NFYC: variants seen among roughly 807,000 people sequenced by gnomAD.
NFYC encodes nuclear transcription factor Y subunit gamma.
A neutral mutation model predicts 53.1 loss-of-function variants in NFYC; 25 were observed. The observed-to-expected ratio is 0.47, with a 90% confidence interval of 0.34 to 0.66. NFYC has a LOEUF of 0.66. Among genes scored for constraint, NFYC ranks in the 30% least tolerant of loss-of-function variants. The pLI is 0.01. For synonymous variants in NFYC, 145 were observed against 152.6 expected, an observed-to-expected ratio of 0.95 and a Z score of 0.37; for missense variants, 260 against 422.7, an observed-to-expected ratio of 0.62 and a Z score of 3.38.
intron 1 of NFYC, among the ~76,000 whole-genome samples, chr1:40,737,800 C>T (rs1475047133): frequency 2.0e-5 from 3 of 151,974 alleles, no homozygotes; most frequent in Non-Finnish European, 4.4e-5. Flanking sequence ...TCCTTTGAGA[C>T]AGATTTGTCT....
intron 1 of NFYC, among the ~76,000 whole-genome samples, chr1:40,721,427 G>T (rs1452775489): frequency 6.6e-6 from 1 of 152,166 alleles, no homozygotes; most frequent in South Asian, 2.1e-4. Flanking sequence ...GCCAGGTTGA[G>T]TGGGGAGCTG....
chr1:40,748,105 G>A (rs1645714786), intron 3 of NFYC, among the ~76,000 whole-genome samples: 1 of 151,880 alleles, frequency 6.6e-6, no homozygotes, highest in African/African-American at 2.4e-5. Context: ...CAAAGTGCTG[G>A]GATTACAGGT....
intron 5 of NFYC, among the ~76,000 whole-genome samples, chr1:40,753,774 A>G (rs1252595224): frequency 2.6e-5 from 4 of 152,186 alleles, no homozygotes; most frequent in African/African-American, 9.7e-5. Context: ...GAATCTCATG[A>G]TGGAGCCCAG....
intron 8 of NFYC, chr1:40,768,654 C>T (rs1646938601): frequency 6.6e-6 from 1 of 152,312 alleles, no homozygotes; most frequent in South Asian, 2.1e-4. Flanking sequence ...ATTATATATG[C>T]AGTTCTACAT....
chr1:40,736,924 T>G (rs1038661170), intron 1 of NFYC, among the ~76,000 whole-genome samples: 1 of 151,418 alleles, frequency 6.6e-6, no homozygotes, highest in South Asian at 2.1e-4. Context: ...GTCAGGAGTT[T>G]GAGGCAGCCT....
chr1:40,762,755 A>C, intron 6 of NFYC, 133 bp from the exon 7 acceptor site: 1 of 752,350 alleles, frequency 1.3e-6, no homozygotes, highest in Non-Finnish European at 2.0e-6. Context: ...GTAGGTTATT[A>C]CTAGTACTGA....
At chr1:40,741,840 G>GCAT (rs1350827424) in intron 2 of NFYC, among the ~76,000 whole-genome samples, 1 of 151,862 alleles carries the variant, frequency 6.6e-6, no homozygotes, top group Non-Finnish European at 1.5e-5. Flanking sequence ...CTGGGCTCAA[G>GCAT]CATTCCTCCC....
At position 40,770,906 on chromosome 1, in the gene NFYC, C is replaced by CA; in HGVS notation, c.*78_*79insA. ...CCCAGGCAATGGGCACAGCCTTCCTCCCCAGAGGACCCGGCCGACCTCAGC... is the reference window on the plus strand; with the variant it reads ...CCCAGGCAATGGGCACAGCCTTCCTCACCCAGAGGACCCGGCCGACCTCAGC... On this transcript the variant is annotated 3_prime_UTR_variant, in exon 10 of 10. Coordinates refer to ENST00000447388, the MANE Select transcript of NFYC (RefSeq NM_014223.5). This position sits in a 1 kb window ranked among gnomAD's most constrained non-coding sequence, Gnocchi z 5.3. 1 of 1,507,704 alleles carries CA rather than the reference C, an allele frequency of 6.6e-7. No individual in the cohort carries two copies. Among genetic ancestry groups the CA allele is most frequent in the Non-Finnish European group, 9.0e-7 (1 of 1,107,418 alleles). The allele number at this position is 1,507,704 out of a possible 1,614,324, so 93.4% of individuals were successfully genotyped here.
At chr1:40,761,697 C>A (rs776995552) in intron 6 of NFYC, among the ~76,000 whole-genome samples, 16 of 152,198 alleles carry the variant, frequency 1.1e-4, no homozygotes, top group East Asian at 1.9e-4. Context: ...CAGAACACAT[C>A]CCCTTCCCTT....
At chr1:40,692,798 C>A (rs1642906171) in intron 1 of NFYC, among the ~76,000 whole-genome samples, 1 of 152,094 alleles carries the variant, frequency 6.6e-6, no homozygotes, top group Non-Finnish European at 1.5e-5. Flanking sequence ...TAAGTAGTAT[C>A]AGATTTAAAG....
intron 8 of NFYC, chr1:40,767,348 G>A (rs986253205): frequency 1.5e-5 from 4 of 272,318 alleles, no homozygotes; most frequent in South Asian, 1.3e-4. Flanking sequence ...AGCTGGACCC[G>A]TCTGGCCCAG....
chr1:40,734,583 A>T (rs1644930629), intron 1 of NFYC, among the ~76,000 whole-genome samples: 1 of 151,842 alleles, frequency 6.6e-6, no homozygotes, highest in South Asian at 2.1e-4. Context: ...CTGGTCTCGA[A>T]CTCCTGACCT....
intron 1 of NFYC, among the ~76,000 whole-genome samples, chr1:40,704,649 C>T (rs985757197): frequency 1.3e-5 from 2 of 152,100 alleles, no homozygotes; most frequent in African/African-American, 4.8e-5. Flanking sequence ...TTGCAAACTG[C>T]CAAGAAGTAA....
At chr1:40,759,867 A>G (rs562328981) in intron 6 of NFYC, among the ~76,000 whole-genome samples, 1 of 152,142 alleles carries the variant, frequency 6.6e-6, no homozygotes, top group African/African-American at 2.4e-5. Flanking sequence ...GGAAAGATAG[A>G]TAGTAAACAC....
intron 1 of NFYC, chr1:40,695,882 T>G (rs902197370): frequency 1.3e-5 from 2 of 152,250 alleles, no homozygotes; most frequent in African/African-American, 4.8e-5. Context: ...AAATGTATTA[T>G]GTATATTTAT....
intron 1 of NFYC, among the ~76,000 whole-genome samples, chr1:40,715,086 C>CAATAAATTAAATAAATA: frequency 7.0e-6 from 1 of 142,626 alleles, no homozygotes; most frequent in Non-Finnish European, 1.5e-5. Context: ...TGTCTCAAAA[C>CAATAAATTAAATAAATA]AATAAATAAA....
At chr1:40,750,304 G>T (rs1645843434) in intron 4 of NFYC, among the ~76,000 whole-genome samples, 1 of 152,168 alleles carries the variant, frequency 6.6e-6, no homozygotes, top group Non-Finnish European at 1.5e-5. Flanking sequence ...AGTGTAACAA[G>T]TATAAAACAG....
chr1:40,699,056 C>T (rs533457628), intron 1 of NFYC, among the ~76,000 whole-genome samples: 13 of 151,878 alleles, frequency 8.6e-5, no homozygotes, highest in African/African-American at 2.9e-4. Flanking sequence ...CCCAGCTACT[C>T]GGGAGGCTGA....
intron 1 of NFYC, among the ~76,000 whole-genome samples, chr1:40,710,254 A>G (rs1643889189): frequency 6.6e-6 from 1 of 152,370 alleles, no homozygotes; most frequent in African/African-American, 2.4e-5. Context: ...AGTGATGAGC[A>G]AATATTTTTC....
Sources: gnomAD v4.1 joint callset for allele counts (sites outside exome capture counted in the v4.1 genomes callset) on GRCh38, gnomAD v4.1.1 for gene constraint, Gnocchi (gnomAD v3.1) non-coding constraint, MANE v1.5 for transcripts, NCBI Gene and HGNC (gene_info 2026-07-23, HGNC 2026-07-21) for gene names.